The following PABPC4L variants were observed in gnomAD, a reference collection of about 807,000 sequenced individuals.
PABPC4L encodes polyadenylate-binding protein 4-like.
For missense variants in PABPC4L, 452 were observed against 451.4 expected (o/e 1.00, Z -0.01); for synonymous variants, 169 against 164.1 (o/e 1.03, Z -0.23).
the PABPC4L span, among the ~76,000 whole-genome samples, chr4:134,091,692 A>G: frequency 2.0e-5 from 3 of 152,000 alleles, no homozygotes; most frequent in East Asian, 5.8e-4. Flanking sequence ...AAGAATAAAT[A>G]AATTTTTGAG....
the PABPC4L span, among the ~76,000 whole-genome samples, chr4:134,001,334 G>T: frequency 6.6e-6 from 1 of 151,842 alleles, no homozygotes; most frequent in East Asian, 1.9e-4. Flanking sequence ...TAGCTAGGAA[G>T]TCATATTATA....
the PABPC4L span, among the ~76,000 whole-genome samples, chr4:134,053,903 T>C: frequency 5.9e-5 from 9 of 151,926 alleles, no homozygotes; most frequent in African/African-American, 9.7e-5. Flanking sequence ...CTGATGCTTC[T>C]TCCTCACCTA....
At chr4:134,159,655 T>C in the PABPC4L span, among the ~76,000 whole-genome samples, 2 of 152,120 alleles carry the variant, frequency 1.3e-5, no homozygotes, top group Admixed American at 6.5e-5. Context: ...AGTTTCAACA[T>C]GGGCTGACTA....
chr4:133,960,428 G>C, the PABPC4L span, among the ~76,000 whole-genome samples: 1 of 152,152 alleles, frequency 6.6e-6, no homozygotes, highest in Admixed American at 6.5e-5. Flanking sequence ...GAGCTTGCTG[G>C]GTCCTCAAGC....
chr4:134,161,902 A>G, the PABPC4L span, among the ~76,000 whole-genome samples: 1 of 152,164 alleles, frequency 6.6e-6, no homozygotes, highest in Non-Finnish European at 1.5e-5. Context: ...GAGTCAACAA[A>G]TAATTAAAAA....
At chr4:134,127,609 C>T in the PABPC4L span, among the ~76,000 whole-genome samples, 2 of 152,086 alleles carry the variant, frequency 1.3e-5, no homozygotes, top group Non-Finnish European at 2.9e-5. Context: ...AGGTAGAGGA[C>T]TGCATTTAAA....
chr4:134,109,112 T>A, the PABPC4L span, among the ~76,000 whole-genome samples: 1 of 152,008 alleles, frequency 6.6e-6, no homozygotes, highest in Admixed American at 6.6e-5. Flanking sequence ...GTAAGGTTTG[T>A]AATGCTTTTC....
chr4:134,117,748 G>A, the PABPC4L span, among the ~76,000 whole-genome samples: 1 of 151,628 alleles, frequency 6.6e-6, no homozygotes, highest in Admixed American at 6.6e-5. Context: ...TTAAAAAATG[G>A]CAATATAATG....
At chr4:134,061,814 AAG>A in the PABPC4L span, among the ~76,000 whole-genome samples, 1 of 151,890 alleles carries the variant, frequency 6.6e-6, no homozygotes, top group Non-Finnish European at 1.5e-5. Flanking sequence ...CAGAAGTTTT[AAG>A]ACACATAAGA....
chr4:134,103,896 A>G, the PABPC4L span, among the ~76,000 whole-genome samples: 1 of 151,566 alleles, frequency 6.6e-6, no homozygotes, highest in East Asian at 1.9e-4. Flanking sequence ...ATCAGGTGCA[A>G]TTTGTCTATG....
chr4:133,995,974 G>T, the PABPC4L span, among the ~76,000 whole-genome samples: 1 of 152,114 alleles, frequency 6.6e-6, no homozygotes, highest in African/African-American at 2.4e-5. Flanking sequence ...AGCATCAAAA[G>T]AAATAGGTTC....
the PABPC4L span, among the ~76,000 whole-genome samples, chr4:134,135,758 G>A: frequency 8.6e-5 from 13 of 152,034 alleles, no homozygotes; most frequent in African/African-American, 3.1e-4. Context: ...CCTTGAACCA[G>A]GGAGGTAGAG....
At chr4:134,007,360 A>G in the PABPC4L span, among the ~76,000 whole-genome samples, 4 of 151,900 alleles carry the variant, frequency 2.6e-5, no homozygotes, top group Middle Eastern at 3.4e-3. Flanking sequence ...AATGACACTT[A>G]TGTACCTTAA....
the PABPC4L span, among the ~76,000 whole-genome samples, chr4:134,110,419 T>A: frequency 6.6e-6 from 1 of 151,850 alleles, no homozygotes; most frequent in Admixed American, 6.6e-5. Context: ...GGAAGCAGAG[T>A]ATGAAAAATA....
the PABPC4L span, among the ~76,000 whole-genome samples, chr4:134,181,650 T>A: frequency 3.3e-5 from 5 of 151,914 alleles, no homozygotes; most frequent in Non-Finnish European, 5.9e-5. Context: ...AGCTCCTAGA[T>A]ATGATAAACT....
chr4:134,090,723 A>G, the PABPC4L span, among the ~76,000 whole-genome samples: 1 of 151,800 alleles, frequency 6.6e-6, no homozygotes, highest in Non-Finnish European at 1.5e-5. Context: ...TGATTATACC[A>G]TTGCACTCCA....
chr4:134,055,454 G>C, the PABPC4L span, among the ~76,000 whole-genome samples: 1 of 149,142 alleles, frequency 6.7e-6, no homozygotes, highest in Non-Finnish European at 1.5e-5. Context: ...CAGAAAGAAA[G>C]GCCTCTCTAG....
the PABPC4L span, among the ~76,000 whole-genome samples, chr4:134,050,880 A>ATTTTTTTTTTTTTTTTTT: frequency 7.4e-6 from 1 of 134,732 alleles, no homozygotes; most frequent in Non-Finnish European, 1.6e-5. Flanking sequence ...ATTGACCTTT[A>ATTTTTTTTTTTTTTTTTT]TTTTTTTTTT....
the PABPC4L span, among the ~76,000 whole-genome samples, chr4:134,110,227 A>C: frequency 6.6e-6 from 1 of 152,138 alleles, no homozygotes; most frequent in South Asian, 2.1e-4. Context: ...AGTATACTAT[A>C]ATTACTGAAT....
Sources: gnomAD v4.1 joint callset for allele counts (sites outside exome capture counted in the v4.1 genomes callset) on GRCh38, gnomAD v4.1.1 for gene constraint, MANE v1.5 for transcripts, NCBI Gene and HGNC (gene_info 2026-07-23, HGNC 2026-07-21) for gene names.